The following C18orf54 variants were observed in gnomAD, a reference collection of about 807,000 sequenced individuals.
C18orf54 encodes lung adenoma susceptibility protein 2.
In C18orf54, 49 loss-of-function variants were observed where a neutral mutation model predicts 49.3. The observed-to-expected ratio is 0.99, with a 90% confidence interval of 0.79 to 1.26. C18orf54 has a LOEUF of 1.26. Ranked by LOEUF, C18orf54 falls within the 50% of genes most tolerant of loss-of-function variation. The pLI is 0.00. For missense variants in C18orf54, 687 were observed against 620.6 expected (o/e 1.11, Z -1.14); for synonymous variants, 211 against 216.6 (o/e 0.97, Z 0.23).
chr18:54,379,031 C>G lies in C18orf54; in HGVS notation c.*785C>G, dbSNP rs2089622389. The stretch of plus-strand genomic sequence containing the variant: ...CTAGTGAAAACTATGACTCAATGGC[C>G]AATTGCTTTATCAAATTTGATAACT... On this transcript the variant is annotated 3_prime_UTR_variant, in exon 9 of 9. Coordinates refer to ENST00000620105, the MANE Select transcript of C18orf54 (RefSeq NM_001288980.2). The G allele has an allele frequency of 6.6e-6, 1 of 151,872 alleles. No homozygotes were observed. Among genetic ancestry groups the G allele is most frequent in the Non-Finnish European group, 1.5e-5 (1 of 67,886 alleles). The allele number at this position is 151,872 out of a possible 1,614,324, so 9.4% of individuals were successfully genotyped here. A position where few individuals can be genotyped will look rare whatever the true frequency, so the allele number is the denominator to read the frequency against.
Position 54,362,234 on chromosome 18 carries a change from A to C in C18orf54, c.875A>C (p.His292Pro), listed in dbSNP as rs2089286195. 3.3e-6 allele frequency: 5 copies of C among 1,536,326 alleles called. No homozygotes were observed. The change falls in exon 4 of 9, where the codon CAT becomes CCT. Residue 292 changes from histidine to proline, a missense_variant. Coordinates refer to ENST00000620105, the MANE Select transcript of C18orf54 (RefSeq NM_001288980.2). ...IFKDDQCSPRHSHQAQGTSRL... is the reference protein window; with the variant it reads ...IFKDDQCSPRPSHQAQGTSRL... Reference sequence around the variant, plus strand: ...AAAGATGATCAGTGTTCCCCTAGACATAGTCATCAGGCACAAGGAACTTCT... The same window carrying C: ...AAAGATGATCAGTGTTCCCCTAGACCTAGTCATCAGGCACAAGGAACTTCT...
At chr18:54,363,920 A>G (rs1256051843) in intron 5 of C18orf54, 1 of 151,952 alleles carries the variant, frequency 6.6e-6, no homozygotes, top group Non-Finnish European at 1.5e-5. Context: ...ATTGCCTTGT[A>G]CAATTTACTT....
intron 3 of C18orf54, 130 bp downstream of exon 3, chr18:54,360,985 G>T: frequency 1.2e-6 from 1 of 863,916 alleles, no homozygotes; most frequent in Non-Finnish European, 1.7e-6. Context: ...TTGAGATCTG[G>T]GTGTTTTTGT....
At chr18:54,363,401 T>C (rs1397636729) in intron 5 of C18orf54, among the ~76,000 whole-genome samples, 2 of 152,164 alleles carry the variant, frequency 1.3e-5, no homozygotes, top group East Asian at 3.9e-4. Context: ...CACTGCAACC[T>C]CCGCCTCCTG....
chr18:54,377,624 G>T (rs1250085076), intron 8 of C18orf54, among the ~76,000 whole-genome samples: 1 of 152,020 alleles, frequency 6.6e-6, no homozygotes, highest in East Asian at 1.9e-4. Context: ...TAGGTTGTTG[G>T]TATAACAACA....
intron 8 of C18orf54, among the ~76,000 whole-genome samples, chr18:54,376,516 T>G (rs1036227680): frequency 6.6e-6 from 1 of 152,174 alleles, no homozygotes; most frequent in Non-Finnish European, 1.5e-5. Flanking sequence ...GTATTTTTAG[T>G]AGAGACGGGG....
chr18:54,371,164 G>C (rs1161252942), intron 6 of C18orf54, among the ~76,000 whole-genome samples: 1 of 151,444 alleles, frequency 6.6e-6, no homozygotes, highest in South Asian at 2.1e-4. Flanking sequence ...CCTCTCCCTA[G>C]TCCCTGGTAA....
At chr18:54,372,728 G>C in intron 7 of C18orf54, 131 bp downstream of exon 7, 1 of 818,202 alleles carries the variant, frequency 1.2e-6, no homozygotes, top group Non-Finnish European at 1.8e-6. Flanking sequence ...GTAAGTGGCA[G>C]TAGTTTTTTT....
At position 54,378,245 on chromosome 18, in the gene C18orf54, G is replaced by C. The variant is rs1037419516; in HGVS notation, c.1601G>C (p.Ter534SerextTer4). The change falls in exon 9 of 9, where the codon TGA becomes TCA. Residue 534 changes from the stop codon to serine (S), a stop_lost. Coordinates refer to ENST00000620105, the MANE Select transcript of C18orf54 (RefSeq NM_001288980.2). ...DTNGERSPKM[*>S] ...AATGGAGAACGGTCACCGAAAATGTGAAGAGGAAAATGAAACTGTCACCAC... is the reference window on the plus strand; with the variant it reads ...AATGGAGAACGGTCACCGAAAATGTCAAGAGGAAAATGAAACTGTCACCAC... 1.2e-6 allele frequency: 2 copies of C among 1,612,510 alleles called. No homozygotes were observed. The highest frequency in any genetic ancestry group is 2.7e-5 in the African/African-American group (2 of 74,900).
intron 3 of C18orf54, among the ~76,000 whole-genome samples, chr18:54,361,135 A>T (rs943774849): frequency 1.3e-5 from 2 of 152,370 alleles, no homozygotes; most frequent in South Asian, 4.1e-4. Context: ...ACACTTGCAG[A>T]ATGACCCTAG....
Position 54,362,940 on chromosome 18 carries a change from A to G in C18orf54, c.1223+19A>G. On this transcript the variant is annotated intron_variant, in intron 5 of 8. Transcript: ENST00000620105. ...TTACTTTGTAAGTAAGTGGCAATGG[A>G]AAAACTGTTTAGTTTTCCAAATGAA... The G allele has an allele frequency of 6.3e-7, 1 of 1,577,736 alleles. No homozygotes were observed. The highest frequency in any genetic ancestry group is 2.3e-5 in the East Asian group (1 of 44,338).
intron 5 of C18orf54, among the ~76,000 whole-genome samples, chr18:54,363,145 C>T (rs1004499032): frequency 6.6e-6 from 1 of 152,064 alleles, no homozygotes; most frequent in Non-Finnish European, 1.5e-5. Flanking sequence ...GTTACGTACT[C>T]ATTTTGTTTC....
In C18orf54 at chr18:54,362,006, C is replaced by T; in HGVS notation, c.647C>T (p.Ser216Phe). 6.2e-7 allele frequency: 1 copy of T among 1,608,948 alleles called. No homozygotes were observed. The highest frequency in any genetic ancestry group is 2.2e-5 in the East Asian group (1 of 44,702). Residue 216 changes from serine to phenylalanine, a missense_variant, in exon 4 of 9, where the codon TCT becomes TTT. Transcript: ENST00000620105. ...NRTNNCISES[S>F]LSFPKKSSFK... Reference sequence around the variant, plus strand: ...ACTAATAATTGCATTTCTGAATCATCTTTGTCTTTTCCCAAGAAATCGTCT... The same window carrying T: ...ACTAATAATTGCATTTCTGAATCATTTTTGTCTTTTCCCAAGAAATCGTCT...
In C18orf54 at chr18:54,378,315, T is replaced by G; in HGVS notation, c.*69T>G. 1 of 1,327,442 alleles carries G rather than the reference T, an allele frequency of 7.5e-7. No homozygotes were observed. Among genetic ancestry groups the G allele is most frequent in the East Asian group, 2.4e-5 (1 of 42,270 alleles). The allele number at this position is 1,327,442 out of a possible 1,614,324, so 82.2% of individuals were successfully genotyped here. ...ACAAATAGGCATTTTTTCTATTACT[T>G]AAACTGACAAAGTAAATATAAGCCA... On this transcript the variant is annotated 3_prime_UTR_variant, in exon 9 of 9. Transcript: ENST00000620105.
Position 54,378,402 on chromosome 18 carries a change from C to T in C18orf54, c.*156C>T. 1.7e-6 allele frequency: 1 copy of T among 599,838 alleles called. No homozygotes were observed. The highest frequency in any genetic ancestry group is 2.7e-6 in the Non-Finnish European group (1 of 365,774). 37.2% of individuals were successfully genotyped at this position (599,838 alleles called of 1,614,324 possible). On this transcript the variant is annotated 3_prime_UTR_variant, in exon 9 of 9. Transcript: ENST00000620105. ...TCTAAAACACTAAACTTGAAAATACCCATAGGTTTTGGGACCTATCTTTAT... is the reference window on the plus strand; with the variant it reads ...TCTAAAACACTAAACTTGAAAATACTCATAGGTTTTGGGACCTATCTTTAT...
Position 54,380,748 on chromosome 18 carries a change from C to T in C18orf54, c.*2502C>T, listed in dbSNP as rs1470212769. On this transcript the variant is annotated 3_prime_UTR_variant, in exon 9 of 9. Transcript: ENST00000620105. Reference sequence around the variant, plus strand: ...TGTTATTACATTATATGTAGTTATACCAAAATATTGCCTGAAGATAAATCA... The same window carrying T: ...TGTTATTACATTATATGTAGTTATATCAAAATATTGCCTGAAGATAAATCA... The T allele has an allele frequency of 3.3e-5, 5 of 151,928 alleles. No homozygotes were observed. The highest frequency in any genetic ancestry group is 1.2e-4 in the African/African-American group (5 of 41,368). The allele number at this position is 151,928 out of a possible 1,614,324, so 9.4% of individuals were successfully genotyped here.
chr18:54,377,025 T>TTA (rs1555685858), intron 8 of C18orf54, among the ~76,000 whole-genome samples: 22 of 151,502 alleles, frequency 1.5e-4, no homozygotes, highest in African/African-American at 4.4e-4. Context: ...GTTTTTTTTT[T>TTA]AAATTTAATT....
chr18:54,379,473 T>C lies in C18orf54; in HGVS notation c.*1227T>C, dbSNP rs182185719. The C allele has an allele frequency of 6.6e-6, 1 of 151,202 alleles. No individual in the cohort carries two copies. Among genetic ancestry groups the C allele is most frequent in the Non-Finnish European group, 1.5e-5 (1 of 67,778 alleles). The allele number at this position is 151,202 out of a possible 1,614,324, so 9.4% of individuals were successfully genotyped here. ...TACTATCTTTGTTAGAGGTGACATG[T>C]CAAACACTACAGTGAGCTCTGTGGG... On this transcript the variant is annotated 3_prime_UTR_variant, in exon 9 of 9. Transcript: ENST00000620105.
intron 6 of C18orf54, among the ~76,000 whole-genome samples, chr18:54,368,869 A>G (rs889733255): frequency 2.6e-5 from 4 of 152,128 alleles, no homozygotes; most frequent in Non-Finnish European, 4.4e-5. Flanking sequence ...AGATTCACTA[A>G]TTTATTTTAT....
Sources: allele counts gnomAD v4.1 joint callset (sites outside exome capture counted in the v4.1 genomes callset), GRCh38; gene constraint gnomAD v4.1.1; transcripts MANE v1.5; gene names NCBI Gene and HGNC (gene_info 2026-07-23, HGNC 2026-07-21).